INSR: variants seen among roughly 807,000 people sequenced by gnomAD.
INSR encodes the protein IR.
A neutral mutation model predicts 142.6 loss-of-function variants in INSR; 67 were observed. The ratio of observed to expected loss-of-function variants is 0.47; its 90% CI spans 0.39 to 0.58. The LOEUF (loss-of-function observed/expected upper bound fraction) is 0.58, where lower values mean the gene tolerates loss of function less well. INSR is among the 20% of genes least tolerant of loss of function. INSR has a pLI of 0.00. For synonymous variants in INSR, 756 were observed against 743.1 expected (o/e 1.02, Z -0.28); for missense variants, 1,248 against 1,833.2 (o/e 0.68, Z 5.83).
chr19:7,229,368 A>G (rs368665959), intron 2 of INSR, among the ~76,000 whole-genome samples: 31 of 106,960 alleles, frequency 2.9e-4, no homozygotes, highest in East Asian at 2.4e-3. Flanking sequence ...ATGGATGGAT[A>G]GATGGATGGG....
intron 5 of INSR, among the ~76,000 whole-genome samples, 169 bp from the exon 6 acceptor site, chr19:7,170,920 T>C (rs1974002751): frequency 6.6e-6 from 1 of 151,868 alleles, no homozygotes; most frequent in Admixed American, 6.6e-5. Flanking sequence ...ACAGAGGAAG[T>C]TGAGGAAGTT....
intron 14 of INSR, among the ~76,000 whole-genome samples, chr19:7,129,922 G>T (rs947181571): frequency 6.6e-6 from 1 of 151,816 alleles, no homozygotes; most frequent in Non-Finnish European, 1.5e-5. Flanking sequence ...ATTTTTTTGT[G>T]GAGACAGAGT....
chr19:7,266,631 C>T (rs374561255), intron 2 of INSR, among the ~76,000 whole-genome samples: 110 of 152,036 alleles, frequency 7.2e-4, no homozygotes, highest in African/African-American at 2.1e-3. Flanking sequence ...GTGGTCCACC[C>T]GCCTCAGCCT....
chr19:7,269,059 C>T (rs1203215333), intron 1 of INSR, among the ~76,000 whole-genome samples: 1 of 151,486 alleles, frequency 6.6e-6, no homozygotes, highest in South Asian at 2.1e-4. Flanking sequence ...CACACACACA[C>T]ACCGCCTCCC....
chr19:7,280,194 G>A (rs1253887159), intron 1 of INSR, among the ~76,000 whole-genome samples: 2 of 152,180 alleles, frequency 1.3e-5, no homozygotes, highest in South Asian at 2.1e-4. Flanking sequence ...AACCCGGGAG[G>A]CGGAGCTTGC....
intron 2 of INSR, among the ~76,000 whole-genome samples, chr19:7,237,594 T>C (rs1976200817): frequency 6.6e-6 from 1 of 151,936 alleles, no homozygotes; most frequent in Admixed American, 6.6e-5. Flanking sequence ...GGCGGGTGGA[T>C]CATGAGGTCA....
rs12609034 is a variant in INSR, at chr19:7,242,610, G to A, written c.652+24735C>T. Among the ~76,000 whole-genome samples, 110 of 150,986 alleles carry A rather than the reference G, an allele frequency of 7.3e-4. No homozygotes were observed. The East Asian group carries it at 0.021, about 28-fold the overall frequency. On this transcript the variant is annotated intron_variant, in intron 2 of 21. Coordinates refer to ENST00000302850, the MANE Select transcript of INSR (RefSeq NM_000208.4). ...AAAATTAGCCAGGTGTGGTGTGGGCGCCTGTAATCCCAGCTACTCAGGAGG... is the reference window on the plus strand; with the variant it reads ...AAAATTAGCCAGGTGTGGTGTGGGCACCTGTAATCCCAGCTACTCAGGAGG...
intron 13 of INSR, among the ~76,000 whole-genome samples, chr19:7,136,438 C>A (rs925422178): frequency 6.6e-6 from 1 of 152,076 alleles, no homozygotes; most frequent in Non-Finnish European, 1.5e-5. Flanking sequence ...TCCCAGGGAG[C>A]CCTCAGTCCT....
At position 7,150,407 on chromosome 19, in the gene INSR, C is replaced by G. The variant is rs2252673; in HGVS notation, c.2267+90G>C. On this transcript the variant is annotated intron_variant, in intron 11 of 21. Coordinates refer to ENST00000302850, the MANE Select transcript of INSR (RefSeq NM_000208.4). The surrounding 1 kb of genome is among the most constrained non-coding windows in gnomAD (Gnocchi z 4.2). ...GCTGCCCGCCGCATGCAAAAAGCCA[C>G]AGAAACCCCTGGGTTCTCCGAGGCA... 0.78 allele frequency: 981,041 copies of G among 1,251,622 alleles called. 392,313 individuals are homozygous for G. The highest frequency in any genetic ancestry group is 0.83 in the Non-Finnish European group (715,938 of 861,326). 77.5% of individuals were successfully genotyped at this position (1,251,622 alleles called of 1,614,324 possible). A position where few individuals can be genotyped will look rare whatever the true frequency, so the allele number is the denominator to read the frequency against.
intron 9 of INSR, among the ~76,000 whole-genome samples, chr19:7,153,240 T>TAC (rs1973467260): frequency 2.4e-5 from 1 of 42,444 alleles, no homozygotes. Flanking sequence ...ACACACACCA[T>TAC]ACACGCACCA....
chr19:7,148,124 G>A (rs1973227719), intron 11 of INSR, among the ~76,000 whole-genome samples: 1 of 152,010 alleles, frequency 6.6e-6, no homozygotes, highest in East Asian at 1.9e-4. Context: ...ATGTTGCCCA[G>A]GCTGGTTTCA....
At chr19:7,153,344 C>A (rs1414086157) in intron 9 of INSR, among the ~76,000 whole-genome samples, 17 of 125,466 alleles carry the variant, frequency 1.4e-4, no homozygotes, top group East Asian at 5.8e-4. Flanking sequence ...ACGCCACACA[C>A]CACAGACCAC....
chr19:7,198,385 G>A (rs1324614733), intron 2 of INSR, among the ~76,000 whole-genome samples: 1 of 152,154 alleles, frequency 6.6e-6, no homozygotes, highest in Non-Finnish European at 1.5e-5. Flanking sequence ...AGACCCCGCA[G>A]GTCGAGTCTG....
intron 9 of INSR, among the ~76,000 whole-genome samples, chr19:7,153,365 C>CACACA: frequency 6.0e-5 from 1 of 16,558 alleles, no homozygotes; most frequent in East Asian, 5.0e-4. Context: ...ACACCACACA[C>CACACA]CCCACACACA....
In INSR at chr19:7,125,646, C is replaced by T. The variant is rs1972629457; in HGVS notation, c.3014-119G>A. On this transcript the variant is annotated intron_variant, in intron 16 of 21. Transcript: ENST00000302850. The surrounding 1 kb of genome is among the most constrained non-coding windows in gnomAD (Gnocchi z 4.9). The stretch of plus-strand genomic sequence containing the variant: ...ACACTCATGAAATGAGTTCTGTGAT[C>T]CAGGACCCATGCCGGGCACTGGGCA... 7.3e-7 allele frequency: 1 copy of T among 1,377,880 alleles called. No individual in the cohort carries two copies. Among genetic ancestry groups the T allele is most frequent in the African/African-American group, 1.4e-5 (1 of 70,514 alleles). 85.4% of individuals were successfully genotyped at this position (1,377,880 alleles called of 1,614,324 possible).
At chr19:7,191,885 G>A (rs1974599147) in intron 2 of INSR, among the ~76,000 whole-genome samples, 2 of 74,928 alleles carry the variant, frequency 2.7e-5, no homozygotes, top group South Asian at 4.3e-4. Flanking sequence ...GAAGGAAGGA[G>A]GAAGGGAGAG....
In INSR at chr19:7,119,121, A is replaced by G. The variant is rs1972413259; in HGVS notation, c.3794+328T>C. The stretch of plus-strand genomic sequence containing the variant: ...ATATGTAAACATGTGTGCTTATAAT[A>G]TGTAAATGAGGTGTACATGTGCCAT... On this transcript the variant is annotated intron_variant, in intron 21 of 21. Transcript: ENST00000302850. This position sits in a 1 kb window ranked among gnomAD's most constrained non-coding sequence, Gnocchi z 5.2. Among the ~76,000 whole-genome samples, 1 of 152,180 alleles carries G rather than the reference A, an allele frequency of 6.6e-6. No homozygotes were observed. Among genetic ancestry groups the G allele is most frequent in the African/African-American group, 2.4e-5 (1 of 41,432 alleles).
At chr19:7,174,522 C>T in intron 4 of INSR, 61 bp downstream of exon 4, 2 of 1,597,668 alleles carry the variant, frequency 1.3e-6, no homozygotes, top group East Asian at 2.2e-5. Flanking sequence ...CTTCCCCGCT[C>T]ACAGCTCAGA....
chr19:7,206,848 G>A (rs759179622), intron 2 of INSR, among the ~76,000 whole-genome samples: 3 of 152,154 alleles, frequency 2.0e-5, no homozygotes, highest in South Asian at 2.1e-4. Flanking sequence ...CAAATATCAC[G>A]TTGTCAACCA....
Sources: gnomAD v4.1 joint callset for allele counts (sites outside exome capture counted in the v4.1 genomes callset) on GRCh38, gnomAD v4.1.1 for gene constraint, Gnocchi (gnomAD v3.1) non-coding constraint, MANE v1.5 for transcripts, NCBI Gene and HGNC (gene_info 2026-07-23, HGNC 2026-07-21) for gene names.